The following VDR variants were observed in gnomAD, a reference collection of about 807,000 sequenced individuals.
VDR encodes the protein vitamin D receptor, also known as vitamin D3 receptor.
Under a neutral mutation model 39.7 loss-of-function variants are expected in VDR, and 19 were observed. The observed-to-expected ratio is 0.48, with a 90% CI of 0.33 to 0.70. The LOEUF is 0.70. VDR is among the 30% of genes least tolerant of loss of function. The probability of loss-of-function intolerance (pLI) is 0.02; values close to 1 mark genes in which losing one functional copy is unlikely to be tolerated. For synonymous variants in VDR, 242 were observed against 215.8 expected (o/e 1.12, Z -1.07); for missense variants, 442 against 570.5 (o/e 0.77, Z 2.29).
intron 1 of VDR, among the ~76,000 whole-genome samples, chr12:47,894,676 A>G (rs1008053415): frequency 6.6e-6 from 1 of 152,130 alleles, no homozygotes; most frequent in African/African-American, 2.4e-5. Flanking sequence ...TAATTCCCCC[A>G]GTGAGTTATT....
At chr12:47,852,912 C>T (rs961514239) in intron 7 of VDR, among the ~76,000 whole-genome samples, 1 of 152,220 alleles carries the variant, frequency 6.6e-6, no homozygotes, top group Non-Finnish European at 1.5e-5. Flanking sequence ...TATTCCAGCA[C>T]TGAATCTGAG....
At chr12:47,864,719 A>T (rs1396608446) in intron 4 of VDR, among the ~76,000 whole-genome samples, 1 of 152,244 alleles carries the variant, frequency 6.6e-6, no homozygotes, top group Non-Finnish European at 1.5e-5. Context: ...TCCTGGAGGA[A>T]GACCCTGACC....
At chr12:47,903,123 G>A (rs1011875331) in intron 1 of VDR, among the ~76,000 whole-genome samples, 6 of 152,230 alleles carry the variant, frequency 3.9e-5, no homozygotes, top group Non-Finnish European at 7.3e-5. Flanking sequence ...GGGTTGGGAA[G>A]GCTTTCTAAC....
At chr12:47,878,369 A>G (rs1340111458) in intron 3 of VDR, among the ~76,000 whole-genome samples, 2 of 152,130 alleles carry the variant, frequency 1.3e-5, no homozygotes, top group African/African-American at 2.4e-5. Flanking sequence ...GGCTCATGTA[A>G]GGGGAGTGTG....
chr12:47,882,767 A>C lies in VDR; in HGVS notation c.-76T>G. 6.5e-7 allele frequency: 1 copy of C among 1,534,820 alleles called. No homozygotes were observed. Among genetic ancestry groups the C allele is most frequent in the South Asian group, 1.2e-5 (1 of 83,910 alleles). On this transcript the variant is annotated 5_prime_UTR_variant, in exon 2 of 10. Transcript: ENST00000549336. The stretch of plus-strand genomic sequence containing the variant: ...GAGGTCTCACAGACACTTCAGACCC[A>C]AAGGCTTCTGAAATGAAGAAGGGGA...
At chr12:47,869,615 G>A (rs1945811628) in intron 3 of VDR, among the ~76,000 whole-genome samples, 1 of 151,874 alleles carries the variant, frequency 6.6e-6, no homozygotes, top group South Asian at 2.1e-4. Flanking sequence ...CTGGGACTGG[G>A]TGCAGTGGCG....
chr12:47,878,521 G>T (rs912450005), intron 3 of VDR, among the ~76,000 whole-genome samples: 13 of 152,224 alleles, frequency 8.5e-5, no homozygotes, highest in African/African-American at 2.9e-4. Flanking sequence ...CCCGACAAGA[G>T]GTGCCATTTC....
chr12:47,873,388 A>G (rs1592129602), intron 3 of VDR, among the ~76,000 whole-genome samples: 2 of 78,160 alleles, frequency 2.6e-5, no homozygotes, highest in African/African-American at 4.2e-5. Flanking sequence ...TTTGAGACGG[A>G]GTCTCGCTGT....
intron 1 of VDR, among the ~76,000 whole-genome samples, chr12:47,889,243 C>A (rs919786003): frequency 1.3e-5 from 2 of 152,030 alleles, no homozygotes; most frequent in Non-Finnish European, 2.9e-5. Context: ...TCACCTCCAG[C>A]CTGGCCGAGT....
chr12:47,887,587 CAAG>C (rs1352963124), intron 1 of VDR, among the ~76,000 whole-genome samples: 4 of 152,206 alleles, frequency 2.6e-5, no homozygotes, highest in Admixed American at 6.5e-5. Flanking sequence ...ATGATCCCCA[CAAG>C]AAGAGTGAGT....
At chr12:47,895,696 C>T (rs1351243801) in intron 1 of VDR, among the ~76,000 whole-genome samples, 1 of 152,188 alleles carries the variant, frequency 6.6e-6, no homozygotes, top group Admixed American at 6.5e-5. Context: ...TCCCCAACAC[C>T]AACAGTGATT....
chr12:47,864,126 G>C (rs976804387), intron 4 of VDR, among the ~76,000 whole-genome samples: 2 of 152,230 alleles, frequency 1.3e-5, no homozygotes, highest in African/African-American at 4.8e-5. Context: ...TCTGGATGCA[G>C]ATGGCAGACA....
At position 47,882,720 on chromosome 12, in the gene VDR, G is replaced by A; in HGVS notation, c.-29C>T. The stretch of plus-strand genomic sequence containing the variant: ...TGAAGGAGCAGGGGGCAGGTAAGTG[G>A]AGCCCAGGGGTGCTCTTCTGTGAGG... On this transcript the variant is annotated 5_prime_UTR_variant, in exon 2 of 10. Transcript: ENST00000549336. The A allele has an allele frequency of 6.5e-7, 1 of 1,531,250 alleles. No individual in the cohort carries two copies. Among genetic ancestry groups the A allele is most frequent in the Non-Finnish European group, 8.7e-7 (1 of 1,145,062 alleles). 94.9% of individuals were successfully genotyped at this position (1,531,250 alleles called of 1,614,324 possible).
At chr12:47,888,137 G>A (rs918359219) in intron 1 of VDR, among the ~76,000 whole-genome samples, 9 of 152,120 alleles carry the variant, frequency 5.9e-5, no homozygotes, top group African/African-American at 1.7e-4. Flanking sequence ...GGAAAAATAC[G>A]GAAGAAGCAA....
At chr12:47,884,986 T>C (rs1365845541) in intron 1 of VDR, among the ~76,000 whole-genome samples, 3 of 152,026 alleles carry the variant, frequency 2.0e-5, no homozygotes, top group Non-Finnish European at 4.4e-5. Context: ...TGCAAGCCTA[T>C]AGGAAAGTGG....
chr12:47,879,325 C>T (rs1218801384), intron 2 of VDR, among the ~76,000 whole-genome samples: 5 of 152,154 alleles, frequency 3.3e-5, no homozygotes, highest in Non-Finnish European at 5.9e-5. Context: ...ATAGCTGGCT[C>T]AGAGCATGGC....
intron 2 of VDR, among the ~76,000 whole-genome samples, chr12:47,881,972 G>A (rs1324729227): frequency 2.0e-5 from 3 of 152,164 alleles, no homozygotes; most frequent in Non-Finnish European, 2.9e-5. Context: ...CCAAGTATCC[G>A]GTGGATTTCG....
rs1946643512 is a variant in VDR at position 47,904,962 on chromosome 12, G to C, written c.-91C>G. The stretch of plus-strand genomic sequence containing the variant: ...CTGCTCCCGGGTTCGCACCTGGTCC[G>C]GCCGGCGGGTGGACAAGCTGTTCCG... On this transcript the variant is annotated 5_prime_UTR_variant, in exon 1 of 10. Transcript: ENST00000549336. 1 of 185,396 alleles carries C rather than the reference G, an allele frequency of 5.4e-6. No homozygotes were observed. Among genetic ancestry groups the C allele is most frequent in the East Asian group, 1.4e-4 (1 of 7,160 alleles). 11.5% of individuals were successfully genotyped at this position (185,396 alleles called of 1,614,324 possible).
chr12:47,855,788 C>T lies in VDR; in HGVS notation c.597G>A (p.Ser199=), dbSNP rs565845200. Residue 199 remains serine, a synonymous_variant, in exon 7 of 10, where the codon TCG becomes TCA. Transcript: ENST00000549336. ...HCITSSDMMD[S]SSFSNLDLSE... ...TCAGATCCAGATTGGAGAAGCTGGA[C>T]GAGTCCATCATGTCTGGGAGAGATG... is the stretch of plus-strand genomic sequence containing the variant. 21 of 1,613,950 alleles carry T rather than the reference C, an allele frequency of 1.3e-5. No homozygotes were observed. Among genetic ancestry groups the T allele is most frequent in the South Asian group, 8.8e-5 (8 of 91,072 alleles).
Sources: allele counts gnomAD v4.1 joint callset (sites outside exome capture counted in the v4.1 genomes callset), GRCh38; gene constraint gnomAD v4.1.1; transcripts MANE v1.5; gene names NCBI Gene and HGNC (gene_info 2026-07-23, HGNC 2026-07-21).